DOCK3: variants seen among roughly 807,000 people sequenced by gnomAD.
DOCK3 encodes the protein dedicator of cytokinesis 3, also known as dedicator of cytokinesis protein 3.
A neutral mutation model predicts 265.6 loss-of-function variants in DOCK3; 60 were observed. The observed-to-expected ratio is 0.23, with a 90% CI of 0.18 to 0.28. The LOEUF is 0.28. DOCK3 is among the 10% of genes least tolerant of loss of function. DOCK3 has a pLI of 1.00. For missense variants in DOCK3, 1,981 were observed against 2,594.3 expected (o/e 0.76, Z 5.14); for synonymous variants, 881 against 938.0 (o/e 0.94, Z 1.11).
chr3:50,847,689 G>A (rs2046150147), intron 3 of DOCK3, among the ~76,000 whole-genome samples: 1 of 151,938 alleles, frequency 6.6e-6, no homozygotes, highest in African/African-American at 2.4e-5. Context: ...TTCAAGACTA[G>A]CCTGGACAAC....
intron 5 of DOCK3, among the ~76,000 whole-genome samples, chr3:50,979,853 G>A (rs111362255): frequency 0.017 from 2,543 of 152,252 alleles, 35 homozygotes; most frequent in Middle Eastern, 0.071. Flanking sequence ...GAGTGTTTTG[G>A]TGGTGTCTTT....
At chr3:51,121,478 G>A (rs758477905) in intron 9 of DOCK3, among the ~76,000 whole-genome samples, 6 of 152,180 alleles carry the variant, frequency 3.9e-5, no homozygotes, top group Admixed American at 3.9e-4. Context: ...TTTTAGTGCA[G>A]GAAAAGAGTT....
chr3:50,982,763 G>A (rs1242982691), intron 5 of DOCK3, among the ~76,000 whole-genome samples: 3 of 152,182 alleles, frequency 2.0e-5, no homozygotes, highest in African/African-American at 4.8e-5. Context: ...CAGTGGAGAC[G>A]CAGTGTGGTC....
intron 14 of DOCK3, among the ~76,000 whole-genome samples, chr3:51,219,792 G>A (rs1348499894): frequency 1.3e-5 from 2 of 152,150 alleles, no homozygotes; most frequent in Non-Finnish European, 2.9e-5. Context: ...GGTTCATAGC[G>A]CTGGTCAATC....
intron 12 of DOCK3, among the ~76,000 whole-genome samples, chr3:51,194,442 G>T (rs4568177): frequency 0.91 from 138,653 of 152,078 alleles, 63,347 homozygotes; most frequent in African/African-American, 0.95. Context: ...GCAACTTAAA[G>T]CCAATGTTTC....
chr3:51,317,066 T>G (rs1327257658), intron 32 of DOCK3, among the ~76,000 whole-genome samples: 1 of 152,158 alleles, frequency 6.6e-6, no homozygotes, highest in Non-Finnish European at 1.5e-5. Context: ...CTCCTGTCTT[T>G]TCTTCTAGAA....
intron 36 of DOCK3, 65 bp downstream of exon 36, chr3:51,338,484 T>A (rs1275735840): frequency 3.3e-6 from 5 of 1,535,916 alleles, no homozygotes; most frequent in Non-Finnish European, 4.4e-6. Flanking sequence ...GCACTGTGAT[T>A]GGCTTGGCCC....
At chr3:51,180,406 T>C (rs1195318021) in intron 12 of DOCK3, among the ~76,000 whole-genome samples, 6 of 152,190 alleles carry the variant, frequency 3.9e-5, no homozygotes, top group African/African-American at 1.4e-4. Flanking sequence ...GCCAGAAGTC[T>C]GAAATCAAGA....
chr3:50,681,022 C>T (rs1217206433), intron 1 of DOCK3, among the ~76,000 whole-genome samples: 1 of 152,094 alleles, frequency 6.6e-6, no homozygotes, highest in Non-Finnish European at 1.5e-5. Context: ...AGGTCTTAGT[C>T]ATAAAATCTT....
intron 27 of DOCK3, among the ~76,000 whole-genome samples, chr3:51,309,449 C>T (rs540664733): frequency 5.9e-5 from 9 of 152,244 alleles, no homozygotes; most frequent in Admixed American, 1.3e-4. Flanking sequence ...TCAGGCGTGG[C>T]GGCGCGCGCC....
chr3:51,249,688 C>T (rs1381673614), intron 22 of DOCK3, among the ~76,000 whole-genome samples: 15 of 125,980 alleles, frequency 1.2e-4, no homozygotes, highest in African/African-American at 3.3e-4. Flanking sequence ...CCGCCCCGTC[C>T]GGGAGGTGAG....
chr3:51,096,899 G>T (rs1320090474), intron 9 of DOCK3, among the ~76,000 whole-genome samples: 1 of 152,174 alleles, frequency 6.6e-6, no homozygotes, highest in Non-Finnish European at 1.5e-5. Context: ...GCTGGAGTTT[G>T]CAGGAGGTCC....
chr3:51,297,794 A>ATAATAAT (rs1553844777), intron 27 of DOCK3, among the ~76,000 whole-genome samples: 1 of 148,808 alleles, frequency 6.7e-6, no homozygotes, highest in African/African-American at 2.5e-5. Context: ...AATAATAATA[A>ATAATAAT]TTTTTTTTTA....
rs564427498 is a variant in DOCK3, at chr3:51,326,823, C to T, written c.3403-3315C>T. ...TATTTTTAGTAGAGATGGGATTTCA[C>T]CATGTTGGTCAGGCTGGTCTCAAAC... On this transcript the variant is annotated intron_variant, in intron 32 of 52. Transcript: ENST00000266037. Among the ~76,000 whole-genome samples the T allele has an allele frequency of 4.0e-5, 6 of 150,792 alleles. No homozygotes were observed. The South Asian group carries it at 1.3e-3, about 32-fold the overall frequency.
chr3:51,328,804 A>G (rs1158074572), intron 32 of DOCK3, among the ~76,000 whole-genome samples: 1 of 152,126 alleles, frequency 6.6e-6, no homozygotes, highest in Non-Finnish European at 1.5e-5. Flanking sequence ...CAGCCATACC[A>G]TGGCTTTTTT....
At chr3:51,041,204 ATTTTTTTTTTTTTTT>A (rs1183149090) in intron 5 of DOCK3, among the ~76,000 whole-genome samples, 1 of 14,792 alleles carries the variant, frequency 6.8e-5, no homozygotes, top group Non-Finnish European at 1.1e-4. Context: ...ATATATATAT[ATTTTTTTTTTTTTTT>A]TTTTTTTTTT....
intron 2 of DOCK3, among the ~76,000 whole-genome samples, chr3:50,801,546 C>G (rs1367939514): frequency 1.3e-5 from 2 of 152,112 alleles, no homozygotes; most frequent in East Asian, 3.9e-4. Flanking sequence ...CATATTGATA[C>G]TTTGAAGAGA....
intron 4 of DOCK3, among the ~76,000 whole-genome samples, chr3:50,910,615 G>A (rs1157839260): frequency 6.6e-6 from 1 of 152,156 alleles, no homozygotes; most frequent in African/African-American, 2.4e-5. Context: ...TCTGGCTGAA[G>A]GTGCTCTAAG....
At position 51,339,015 on chromosome 3, in the gene DOCK3, C is replaced by T. The variant is rs760963651; in HGVS notation, c.3753C>T (p.Ala1251=). The T allele has an allele frequency of 2.6e-5, 42 of 1,597,646 alleles. No homozygotes were observed. Among genetic ancestry groups the T allele is most frequent in the South Asian group, 1.5e-4 (13 of 87,286 alleles). The change falls in exon 37 of 53, where the codon GCC becomes GCT. Residue 1251 remains alanine, a synonymous_variant. Coordinates refer to ENST00000266037, the MANE Select transcript of DOCK3 (RefSeq NM_004947.5). ...AGCTTTGTGACATGCACTTGCAGGC[C>T]GAAAACTACACAGGTAAGTGGGGAG... ...IHKLCDMHLQ[A]ENYTEAAFTL...
Sources: gnomAD v4.1 joint callset for allele counts (sites outside exome capture counted in the v4.1 genomes callset) on GRCh38, gnomAD v4.1.1 for gene constraint, MANE v1.5 for transcripts, NCBI Gene and HGNC (gene_info 2026-07-23, HGNC 2026-07-21) for gene names.